GPC6: variants seen among roughly 807,000 people sequenced by gnomAD.
GPC6 encodes the protein glypican-6.
GPC6 carries 14 observed loss-of-function variants against 55.2 expected under a neutral mutation model. That is an observed-to-expected ratio of 0.25 (90% CI 0.17 to 0.40). GPC6 has a LOEUF of 0.40. Ranked by LOEUF, GPC6 falls within the 10% of genes least tolerant of loss-of-function variation. The probability of loss-of-function intolerance (pLI) is 1.00; values close to 1 mark genes in which losing one functional copy is unlikely to be tolerated. For missense variants in GPC6, 641 were observed against 708.5 expected (o/e 0.90, Z 1.08); for synonymous variants, 278 against 259.6 (o/e 1.07, Z -0.68).
chr13:93,309,440 A>T (rs1020082688), intron 1 of GPC6, among the ~76,000 whole-genome samples: 1 of 151,724 alleles, frequency 6.6e-6, no homozygotes, highest in African/African-American at 2.4e-5. Flanking sequence ...ATTATTATAT[A>T]TTCTGTATTA....
rs546701828 is a variant in GPC6 at position 93,377,729 on chromosome 13, A to G, written c.160+150113A>G. On this transcript the variant is annotated intron_variant, in intron 1 of 8. Transcript: ENST00000377047. ...ACACCCTGATTTTAAATCCTCTGTTATGATCTTACCACCAATCTTCTATTT... is the reference window on the plus strand; with the variant it reads ...ACACCCTGATTTTAAATCCTCTGTTGTGATCTTACCACCAATCTTCTATTT... Among the ~76,000 whole-genome samples, 33 of 152,308 alleles carry G rather than the reference A, an allele frequency of 2.2e-4. No homozygotes were observed. In the South Asian group the frequency reaches 6.4e-3, roughly 30 times the overall value.
intron 1 of GPC6, among the ~76,000 whole-genome samples, chr13:93,375,996 G>A (rs1349215582): frequency 6.6e-6 from 1 of 151,360 alleles, no homozygotes; most frequent in Admixed American, 6.6e-5. Context: ...AAATGGTGGT[G>A]GACTACCTCA....
chr13:94,287,908 C>A (rs1892574753), intron 5 of GPC6, among the ~76,000 whole-genome samples: 1 of 152,186 alleles, frequency 6.6e-6, no homozygotes, highest in Non-Finnish European at 1.5e-5. Context: ...AAATTATCTG[C>A]AGTTTGAGAC....
chr13:93,859,153 G>A (rs1352014085), intron 3 of GPC6, among the ~76,000 whole-genome samples: 3 of 151,320 alleles, frequency 2.0e-5, no homozygotes, highest in Non-Finnish European at 3.0e-5. Flanking sequence ...TTTATTCTTG[G>A]CATTATTGTC....
chr13:94,372,737 C>A (rs983351925), intron 6 of GPC6, among the ~76,000 whole-genome samples: 3 of 152,222 alleles, frequency 2.0e-5, no homozygotes, highest in Admixed American at 2.0e-4. Context: ...CTGCCTGCCT[C>A]TGTAGGCTCC....
intron 4 of GPC6, among the ~76,000 whole-genome samples, chr13:94,102,738 G>A (rs1885911964): frequency 6.6e-6 from 1 of 152,156 alleles, no homozygotes; most frequent in African/African-American, 2.4e-5. Context: ...GTGACAGAAA[G>A]TAGAGTTATG....
At chr13:93,813,954 TCTCTTA>T (rs1886773631) in intron 2 of GPC6, among the ~76,000 whole-genome samples, 2 of 152,158 alleles carry the variant, frequency 1.3e-5, no homozygotes, top group African/African-American at 4.8e-5. Context: ...TAATGTTTTA[TCTCTTA>T]CTCTTACAAT....
rs1255580734 is a variant in GPC6 at position 93,469,203 on chromosome 13, T to C, written c.161-76060T>C. ...AATCCCACTTCAAAATTCAATAATT[T>C]TGAATGAATTATTGAAATTCAATAA... On this transcript the variant is annotated intron_variant, in intron 1 of 8. Transcript: ENST00000377047. 2.6e-5 allele frequency among the ~76,000 whole-genome samples: 4 copies of C among 152,190 alleles called. No individual in the cohort carries two copies. The East Asian group carries it at 7.7e-4, about 29-fold the overall frequency.
In GPC6 at chr13:94,398,699, T is replaced by C. The variant is rs950235559; in HGVS notation, c.1465+58T>C. The C allele has an allele frequency of 1.4e-5, 20 of 1,409,732 alleles. No individual in the cohort carries two copies. In the African/African-American group the frequency reaches 2.8e-4, roughly 20 times the overall value. 87.3% of individuals were successfully genotyped at this position (1,409,732 alleles called of 1,614,324 possible). A position where few individuals can be genotyped will look rare whatever the true frequency, so the allele number is the denominator to read the frequency against. On this transcript the variant is annotated intron_variant, in intron 8 of 8. Transcript: ENST00000377047. Reference sequence around the variant, plus strand: ...CAAAGTAAAAAATGGTTTTAGAAGATGATGCCCTGACTTTCTTCAAGAGCA... The same window carrying C: ...CAAAGTAAAAAATGGTTTTAGAAGACGATGCCCTGACTTTCTTCAAGAGCA...
chr13:93,891,576 T>C (rs763963984), intron 3 of GPC6, among the ~76,000 whole-genome samples: 2 of 152,182 alleles, frequency 1.3e-5, no homozygotes, highest in African/African-American at 2.4e-5. Context: ...TTGGTCTTTA[T>C]ACAATTTATT....
At chr13:93,427,753 G>A (rs1035562570) in intron 1 of GPC6, among the ~76,000 whole-genome samples, 2 of 152,032 alleles carry the variant, frequency 1.3e-5, no homozygotes, top group African/African-American at 4.8e-5. Flanking sequence ...CACAGCAATA[G>A]CCTCATAAGC....
chr13:94,271,388 A>G (rs1040218797), intron 4 of GPC6, among the ~76,000 whole-genome samples: 97 of 125,420 alleles, frequency 7.7e-4, no homozygotes, highest in Non-Finnish European at 1.1e-3. Context: ...GCGCGCACAC[A>G]CACACACACA....
intron 1 of GPC6, among the ~76,000 whole-genome samples, chr13:93,384,888 A>G (rs1319559092): frequency 6.6e-6 from 1 of 152,202 alleles, no homozygotes; most frequent in East Asian, 1.9e-4. Context: ...ACAAAAACGC[A>G]TCTTCTGAGT....
intron 2 of GPC6, among the ~76,000 whole-genome samples, chr13:93,598,988 C>T (rs958406923): frequency 6.6e-6 from 1 of 152,154 alleles, no homozygotes; most frequent in Non-Finnish European, 1.5e-5. Context: ...CCTCAATTTG[C>T]AACAGTTCTA....
intron 2 of GPC6, among the ~76,000 whole-genome samples, chr13:93,578,228 G>C (rs767852491): frequency 3.3e-5 from 5 of 151,958 alleles, no homozygotes; most frequent in Non-Finnish European, 5.9e-5. Flanking sequence ...AAATAAATTT[G>C]GAAGTATTCC....
chr13:93,392,311 A>G (rs989150888), intron 1 of GPC6, among the ~76,000 whole-genome samples: 2 of 152,192 alleles, frequency 1.3e-5, no homozygotes, highest in African/African-American at 2.4e-5. Flanking sequence ...ATCATTACCA[A>G]TGATTTTTGA....
At chr13:94,306,870 C>T (rs1269140049) in intron 6 of GPC6, among the ~76,000 whole-genome samples, 1 of 152,036 alleles carries the variant, frequency 6.6e-6, no homozygotes, top group Admixed American at 6.5e-5. Flanking sequence ...CTTTATATAC[C>T]TACAATTGTT....
At chr13:93,683,552 T>C (rs534618778) in intron 2 of GPC6, among the ~76,000 whole-genome samples, 1 of 152,308 alleles carries the variant, frequency 6.6e-6, no homozygotes, top group African/African-American at 2.4e-5. Flanking sequence ...GCCCAAATTC[T>C]GGTCCTGTAT....
At chr13:93,259,162 T>C (rs1252584833) in intron 1 of GPC6, among the ~76,000 whole-genome samples, 1 of 152,164 alleles carries the variant, frequency 6.6e-6, no homozygotes, top group Non-Finnish European at 1.5e-5. Context: ...TAATTTCTCA[T>C]TGGATTTCTA....
Sources: allele counts gnomAD v4.1 joint callset (sites outside exome capture counted in the v4.1 genomes callset), GRCh38; gene constraint gnomAD v4.1.1; transcripts MANE v1.5; gene names NCBI Gene and HGNC (gene_info 2026-07-23, HGNC 2026-07-21).